Variants in BRWD1 observed in about 807,000 individuals in gnomAD.
BRWD1 encodes the protein bromodomain and WD repeat domain containing 1.
In BRWD1, 82 loss-of-function variants were observed where a neutral mutation model predicts 251.2. That is an observed-to-expected ratio of 0.33 (90% confidence interval 0.27 to 0.39). The LOEUF is 0.39. Among genes scored for constraint, BRWD1 ranks in the 10% least tolerant of loss-of-function variants. The probability of loss-of-function intolerance (pLI) is 1.00; values close to 1 mark genes in which losing one functional copy is unlikely to be tolerated. For synonymous variants in BRWD1, 918 were observed against 902.8 expected (o/e 1.02, Z -0.30); for missense variants, 2,233 against 2,711.6 (o/e 0.82, Z 3.92).
At chr21:39,299,921 G>T (rs1293850433) in intron 4 of BRWD1, among the ~76,000 whole-genome samples, 1 of 152,054 alleles carries the variant, frequency 6.6e-6, no homozygotes, top group African/African-American at 2.4e-5. Flanking sequence ...GGCGGAGGTT[G>T]CAGTGAACCA....
chr21:39,242,952 C>T (rs2150413), intron 21 of BRWD1, among the ~76,000 whole-genome samples: 78,953 of 151,948 alleles, frequency 0.52, 21,043 homozygotes, highest in African/African-American at 0.63. Context: ...ATAGACCTAG[C>T]CATCCAAGAC....
At chr21:39,221,095 C>CA (rs1183488842) in intron 29 of BRWD1, among the ~76,000 whole-genome samples, 1 of 142,962 alleles carries the variant, frequency 7.0e-6, no homozygotes, top group Non-Finnish European at 1.5e-5. Context: ...GTGGAGGTTG[C>CA]AATGAGTGGA....
chr21:39,270,020 T>A lies in BRWD1; in HGVS notation c.1409A>T (p.Glu470Val). 6.4e-7 allele frequency: 1 copy of A among 1,574,716 alleles called. No homozygotes were observed. The highest frequency in any genetic ancestry group is 2.3e-5 in the East Asian group (1 of 43,576). The change falls in exon 15 of 41, where the codon GAA becomes GTA. Residue 470 changes from glutamate to valine, a missense_variant. Physicochemically the swap from Glu to Val is moderately radical, Grantham distance 121 (BLOSUM62 -2). This residue lies in a region of BRWD1 where 315 missense variants were observed against 421.8 expected (regional missense o/e 0.75). Coordinates refer to ENST00000342449, the MANE Select transcript of BRWD1 (RefSeq NM_033656.4). ...LLHNLMGHAD[E>V]VFVLETHPFD... The stretch of plus-strand genomic sequence containing the variant: ...GGGATGTGTCTCCAGAACAAATACT[T>A]CATCAGCATGTCCCTTTATTTAACA...
chr21:39,215,726 G>A (rs1310074929), intron 31 of BRWD1, among the ~76,000 whole-genome samples: 1 of 152,144 alleles, frequency 6.6e-6, no homozygotes, highest in African/African-American at 2.4e-5. Context: ...AGCAAGCTGG[G>A]ATTACACCTG....
At chr21:39,301,683 A>C (rs897489956) in intron 4 of BRWD1, among the ~76,000 whole-genome samples, 6 of 152,190 alleles carry the variant, frequency 3.9e-5, no homozygotes, top group African/African-American at 1.4e-4. Context: ...AAATTAGTGT[A>C]GTTTTAAGCT....
intron 13 of BRWD1, among the ~76,000 whole-genome samples, chr21:39,271,113 T>A (rs1299126058): frequency 1.3e-5 from 2 of 151,350 alleles, no homozygotes; most frequent in African/African-American, 4.9e-5. Context: ...GCCAACATGG[T>A]GAAACCCCGT....
chr21:39,306,257 G>A (rs995300163), intron 4 of BRWD1, among the ~76,000 whole-genome samples: 4 of 151,886 alleles, frequency 2.6e-5, no homozygotes, highest in Admixed American at 6.6e-5. Context: ...TTTTAGTAGA[G>A]ATGAGGTTTC....
intron 1 of BRWD1, among the ~76,000 whole-genome samples, chr21:39,320,473 T>C (rs1028069779): frequency 1.3e-5 from 2 of 152,090 alleles, no homozygotes; most frequent in African/African-American, 2.4e-5. Context: ...TAACTGGGAC[T>C]ACAGGCACCC....
Position 39,187,235 on chromosome 21 carries a change from T to G in BRWD1, c.*9024A>C. ...ATCCAGACATTTTCTGGTCCTGAGA[T>G]CGTTTCTTTTAGATTACTCATTATC... On this transcript the variant is annotated 3_prime_UTR_variant, in exon 41 of 41. Coordinates refer to ENST00000342449, the MANE Select transcript of BRWD1 (RefSeq NM_033656.4). The G allele has an allele frequency of 6.2e-7, 1 of 1,613,654 alleles. No homozygotes were observed. Among genetic ancestry groups the G allele is most frequent in the Non-Finnish European group, 8.5e-7 (1 of 1,179,850 alleles).
rs1166511906 is a variant in BRWD1 at position 39,191,285 on chromosome 21, G to A, written c.*4974C>T. On this transcript the variant is annotated 3_prime_UTR_variant, in exon 41 of 41. Transcript: ENST00000342449. ...CTCATATGTAAAACTCACAGCGCTCGCACCCCTATATTCTGCCTGCATGAA... is the reference window on the plus strand; with the variant it reads ...CTCATATGTAAAACTCACAGCGCTCACACCCCTATATTCTGCCTGCATGAA... The A allele has an allele frequency of 8.1e-6, 8 of 985,192 alleles. No individual in the cohort carries two copies. Among genetic ancestry groups the A allele is most frequent in the South Asian group, 4.7e-5 (1 of 21,282 alleles). The allele number at this position is 985,192 out of a possible 1,614,324, so 61.0% of individuals were successfully genotyped here. A position where few individuals can be genotyped will look rare whatever the true frequency, so the allele number is the denominator to read the frequency against.
At chr21:39,221,455 T>C (rs779583801) in intron 29 of BRWD1, among the ~76,000 whole-genome samples, 4 of 151,990 alleles carry the variant, frequency 2.6e-5, no homozygotes, top group Non-Finnish European at 5.9e-5. Flanking sequence ...ACTAACATAG[T>C]GTAGACACAG....
intron 21 of BRWD1, among the ~76,000 whole-genome samples, chr21:39,245,380 G>A (rs1472415888): frequency 6.6e-6 from 1 of 151,986 alleles, no homozygotes; most frequent in Non-Finnish European, 1.5e-5. Flanking sequence ...ATGTTACCAC[G>A]CCTCTGAAGT....
Position 39,210,073 on chromosome 21 carries a change from G to A in BRWD1, c.4119C>T (p.Asp1373=), listed in dbSNP as rs368140365. Reference sequence around the variant, plus strand: ...TGTCTTTGCAAAACTCCAAAGGGCTGTCATAATTTCCCGCATCTAGAGTTT... The same window carrying A: ...TGTCTTTGCAAAACTCCAAAGGGCTATCATAATTTCCCGCATCTAGAGTTT... The part of the protein sequence containing the change: ...VRETLDAGNY[D]SPLEFCKDIR... Residue 1373 remains aspartate (D), a synonymous_variant, in exon 36 of 41, where the codon GAC becomes GAT. Transcript: ENST00000342449. 3.0e-5 allele frequency: 48 copies of A among 1,613,356 alleles called. No individual in the cohort carries two copies. The highest frequency in any genetic ancestry group is 3.7e-5 in the Non-Finnish European group (44 of 1,179,558).
At chr21:39,231,724 A>T (rs543393233) in intron 25 of BRWD1, among the ~76,000 whole-genome samples, 9 of 152,346 alleles carry the variant, frequency 5.9e-5, no homozygotes, top group Non-Finnish European at 1.3e-4. Context: ...AAAATGTGGA[A>T]TTCTTTCTTG....
chr21:39,203,458 T>C, intron 37 of BRWD1, among the ~76,000 whole-genome samples: 1 of 141,888 alleles, frequency 7.0e-6, no homozygotes, highest in African/African-American at 2.8e-5. Flanking sequence ...TTTTTTTTTT[T>C]TTTTGAGACA....
chr21:39,225,108 G>T lies in BRWD1; in HGVS notation c.3298C>A (p.His1100Asn). The T allele has an allele frequency of 6.2e-7, 1 of 1,608,010 alleles. No individual in the cohort carries two copies. The highest frequency in any genetic ancestry group is 1.1e-5 in the South Asian group (1 of 90,898). ...AACCTAACAATATAACACTGGAAATGACTATCAGGATACTGTGGTTGATAT... is the reference window on the plus strand; with the variant it reads ...AACCTAACAATATAACACTGGAAATTACTATCAGGATACTGTGGTTGATAT... ...EPYQPQYPDS[H>N]FQCYIVRWDN... Residue 1100 changes from histidine (H) to asparagine (N), a missense_variant, in exon 28 of 41, where the codon CAT becomes AAT. By Grantham distance (68) the His-to-Asn change is moderately conservative. Transcript: ENST00000342449.
At chr21:39,214,242 A>C (rs2032787887) in intron 32 of BRWD1, among the ~76,000 whole-genome samples, 1 of 152,180 alleles carries the variant, frequency 6.6e-6, no homozygotes, top group African/African-American at 2.4e-5. Context: ...AGCAGACTAG[A>C]ACCTGGGTCT....
chr21:39,241,054 C>G (rs545440226), intron 21 of BRWD1, among the ~76,000 whole-genome samples: 1 of 151,628 alleles, frequency 6.6e-6, no homozygotes, highest in East Asian at 2.0e-4. Flanking sequence ...GCACCCGCCA[C>G]CACGCCCAGC....
In BRWD1 at chr21:39,187,183, T is replaced by C. The variant is rs746729429; in HGVS notation, c.*9076A>G. Reference sequence around the variant, plus strand: ...CTTAGCCGCAGCAGAAGCATTTCGATGGGGCAGTTTTCTGCTACTCTTCCT... The same window carrying C: ...CTTAGCCGCAGCAGAAGCATTTCGACGGGGCAGTTTTCTGCTACTCTTCCT... On this transcript the variant is annotated 3_prime_UTR_variant, in exon 41 of 41. Transcript: ENST00000342449. 3.7e-6 allele frequency: 6 copies of C among 1,613,590 alleles called. No homozygotes were observed. The highest frequency in any genetic ancestry group is 2.7e-5 in the African/African-American group (2 of 74,880).
Sources: allele counts gnomAD v4.1 joint callset (sites outside exome capture counted in the v4.1 genomes callset), GRCh38; gene constraint gnomAD v4.1.1; regional missense constraint gnomAD v4.1.1; transcripts MANE v1.5; gene names NCBI Gene and HGNC (gene_info 2026-07-23, HGNC 2026-07-21).